The following FHIT variants were observed in gnomAD, a reference collection of about 807,000 sequenced individuals.
The protein encoded by FHIT is bis(5'-adenosyl)-triphosphatase.
Under a neutral mutation model 17.9 loss-of-function variants are expected in FHIT, and 19 were observed. The ratio of observed to expected loss-of-function variants is 1.06; its 90% confidence interval spans 0.74 to 1.56. The LOEUF is 1.56. Among genes scored for constraint, FHIT ranks in the 40% most tolerant of loss-of-function variants. The pLI is 0.00. For missense variants in FHIT, 248 were observed against 189.2 expected, an observed-to-expected ratio of 1.31 and a Z score of -1.82; for synonymous variants, 81 against 69.7, an observed-to-expected ratio of 1.16 and a Z score of -0.81.
chr3:60,080,051 AT>A (rs1703209090), intron 5 of FHIT, among the ~76,000 whole-genome samples: 1 of 152,128 alleles, frequency 6.6e-6, no homozygotes, highest in African/African-American at 2.4e-5. Context: ...CAAATAAGTA[AT>A]TTTGAAAGGA....
At chr3:60,133,606 TGA>T (rs1699687829) in intron 5 of FHIT, among the ~76,000 whole-genome samples, 1 of 152,102 alleles carries the variant, frequency 6.6e-6, no homozygotes, top group Non-Finnish European at 1.5e-5. Context: ...AAGATTGTCC[TGA>T]GAGTGTGGGG....
At chr3:61,064,635 C>T (rs926126564) in intron 2 of FHIT, among the ~76,000 whole-genome samples, 1 of 152,152 alleles carries the variant, frequency 6.6e-6, no homozygotes, top group African/African-American at 2.4e-5. Context: ...TTCAAGTTTA[C>T]ACAGAGTGTG....
At chr3:60,363,291 A>G (rs1699977367) in intron 5 of FHIT, among the ~76,000 whole-genome samples, 1 of 152,106 alleles carries the variant, frequency 6.6e-6, no homozygotes, top group Non-Finnish European at 1.5e-5. Flanking sequence ...GTGCCTATGA[A>G]GTTTTAAGGA....
intron 4 of FHIT, among the ~76,000 whole-genome samples, chr3:60,658,553 A>T (rs558495990): frequency 1.3e-5 from 2 of 152,152 alleles, no homozygotes; most frequent in Non-Finnish European, 2.9e-5. Flanking sequence ...ATACAAAAAC[A>T]TTGCTCCTCT....
chr3:60,470,887 T>C (rs1454404859), intron 5 of FHIT, among the ~76,000 whole-genome samples: 1 of 152,184 alleles, frequency 6.6e-6, no homozygotes, highest in Admixed American at 6.5e-5. Flanking sequence ...TGGCTATCAC[T>C]GCTGATTATT....
At chr3:60,088,066 G>A (rs935363482) in intron 5 of FHIT, among the ~76,000 whole-genome samples, 2 of 152,208 alleles carry the variant, frequency 1.3e-5, no homozygotes, top group African/African-American at 4.8e-5. Context: ...GGTGGAAGAT[G>A]AAAGGGAGCT....
intron 5 of FHIT, among the ~76,000 whole-genome samples, chr3:60,245,014 G>T (rs1705321333): frequency 6.6e-6 from 1 of 151,974 alleles, no homozygotes. Context: ...TCAAAATTGT[G>T]TTTAGCGGCA....
intron 5 of FHIT, among the ~76,000 whole-genome samples, chr3:60,308,379 T>C (rs2106743477): frequency 6.6e-6 from 1 of 152,136 alleles, no homozygotes; most frequent in South Asian, 2.1e-4. Flanking sequence ...AACTGACAAC[T>C]CTCAGGAGAG....
chr3:60,341,104 C>T (rs1002711042), intron 5 of FHIT, among the ~76,000 whole-genome samples: 1 of 152,038 alleles, frequency 6.6e-6, no homozygotes, highest in Non-Finnish European at 1.5e-5. Flanking sequence ...GAGCCAAATG[C>T]GGGACTTGAG....
intron 5 of FHIT, among the ~76,000 whole-genome samples, chr3:60,302,142 A>T (rs1436859500): frequency 6.6e-6 from 1 of 152,150 alleles, no homozygotes; most frequent in Non-Finnish European, 1.5e-5. Flanking sequence ...ATGCTGTGGG[A>T]ATTAAATGAT....
At chr3:60,198,372 C>T (rs555384954) in intron 5 of FHIT, among the ~76,000 whole-genome samples, 4 of 152,214 alleles carry the variant, frequency 2.6e-5, no homozygotes, top group East Asian at 1.9e-4. Flanking sequence ...AAGCTTGGCC[C>T]GTTCACTTGG....
chr3:60,052,992 T>C (rs1239988434), intron 5 of FHIT, among the ~76,000 whole-genome samples: 2 of 151,922 alleles, frequency 1.3e-5, no homozygotes, highest in Non-Finnish European at 2.9e-5. Context: ...CAGTATTATA[T>C]TTTCTCTGGC....
intron 4 of FHIT, among the ~76,000 whole-genome samples, chr3:60,609,019 T>G (rs1576964164): frequency 1.4e-5 from 2 of 139,270 alleles, no homozygotes; most frequent in African/African-American, 5.5e-5. Context: ...CACGCACAAT[T>G]TGGAAAAAAA....
chr3:60,470,080 C>CTCTCTCTCTCT (rs370993192), intron 5 of FHIT, among the ~76,000 whole-genome samples: 9 of 151,218 alleles, frequency 6.0e-5, no homozygotes, highest in South Asian at 2.1e-4. Flanking sequence ...CTCTCTCTCT[C>CTCTCTCTCTCT]CAGAGCTGCC....
intron 5 of FHIT, among the ~76,000 whole-genome samples, chr3:60,366,843 C>G (rs949033056): frequency 2.0e-5 from 3 of 152,154 alleles, no homozygotes; most frequent in African/African-American, 7.2e-5. Context: ...AGCAACCCTA[C>G]CAAAGTCAGA....
intron 4 of FHIT, among the ~76,000 whole-genome samples, chr3:60,700,924 T>G (rs1476378422): frequency 6.6e-6 from 1 of 152,184 alleles, no homozygotes; most frequent in Non-Finnish European, 1.5e-5. Context: ...TATAACTGTA[T>G]GTCATCAGTG....
chr3:61,135,974 A>C (rs1434460225), intron 2 of FHIT, among the ~76,000 whole-genome samples: 2 of 152,168 alleles, frequency 1.3e-5, no homozygotes, highest in Non-Finnish European at 2.9e-5. Context: ...ACTTGTCTGC[A>C]TCTTTAATTT....
intron 4 of FHIT, chr3:60,553,221 G>A (rs369424068): frequency 1.3e-5 from 2 of 156,510 alleles, no homozygotes; most frequent in Non-Finnish European, 2.8e-5. Context: ...TGATGTTTTT[G>A]TGAGGAGAAA....
chr3:59,903,122 G>A (rs1023635761), intron 8 of FHIT, among the ~76,000 whole-genome samples: 6 of 152,186 alleles, frequency 3.9e-5, no homozygotes, highest in South Asian at 2.1e-4. Context: ...AATGAAGTGC[G>A]GATACATGCC....
Sources: allele counts gnomAD v4.1 joint callset (sites outside exome capture counted in the v4.1 genomes callset), GRCh38; gene constraint gnomAD v4.1.1; transcripts MANE v1.5; gene names NCBI Gene and HGNC (gene_info 2026-07-23, HGNC 2026-07-21).